Variants in PAX5 observed in about 807,000 individuals in gnomAD.
PAX5 encodes paired box 5.
Under a neutral mutation model 43.7 loss-of-function variants are expected in PAX5, and 9 were observed. That is an observed-to-expected ratio of 0.21 (90% CI 0.12 to 0.36). The LOEUF is 0.36. PAX5 is among the 10% of genes least tolerant of loss of function. PAX5 has a pLI of 1.00. For missense variants in PAX5, 383 were observed against 532.7 expected (o/e 0.72, Z 2.77); for synonymous variants, 228 against 214.3 (o/e 1.06, Z -0.56).
At chr9:36,928,288 G>A (rs909715120) in intron 6 of PAX5, among the ~76,000 whole-genome samples, 10 of 152,128 alleles carry the variant, frequency 6.6e-5, no homozygotes, top group South Asian at 4.1e-4. Flanking sequence ...TCCTACCTCC[G>A]CCTGGAGGGT....
intron 1 of PAX5, chr9:37,026,560 T>C (rs1348231975): frequency 7.5e-7 from 1 of 1,338,614 alleles, no homozygotes; most frequent in Non-Finnish European, 9.8e-7. Flanking sequence ...GGGTCGTGCT[T>C]ACAGTGTATT....
Position 36,962,753 on chromosome 9 carries a change from G to A in PAX5, c.780+3796C>T, listed in dbSNP as rs542572311. On this transcript the variant is annotated intron_variant, in intron 6 of 9. Transcript: ENST00000358127. ...GTAAGTGCTCTTTGTTCCCCACCAA[G>A]CTGCTCAGCGAAAGTGACAGCAAGG... Among the ~76,000 whole-genome samples the A allele has an allele frequency of 3.9e-5, 6 of 152,340 alleles. No individual in the cohort carries two copies. In the South Asian group the frequency reaches 1.2e-3, roughly 32 times the overall value.
intron 6 of PAX5, among the ~76,000 whole-genome samples, chr9:36,960,287 G>A (rs1460208240): frequency 3.3e-5 from 5 of 152,298 alleles, no homozygotes; most frequent in Middle Eastern, 6.8e-3. Context: ...CACGCTCAGA[G>A]CCTCACCTGG....
rs573451849 is a variant in PAX5 at position 36,871,500 on chromosome 9, C to T, written c.1012+10504G>A. 5.3e-5 allele frequency among the ~76,000 whole-genome samples: 8 copies of T among 152,360 alleles called. No individual in the cohort carries two copies. In the East Asian group the frequency reaches 7.7e-4, roughly 15 times the overall value. On this transcript the variant is annotated intron_variant, in intron 8 of 9. Coordinates refer to ENST00000358127, the MANE Select transcript of PAX5 (RefSeq NM_016734.3). ...CCTTGACCCTGCATCAGCCACCCAA[C>T]GCTTAGCCCTTCCGCAAATGCTTCA...
chr9:36,846,886 G>A lies in PAX5; in HGVS notation c.1056C>T (p.Ser352=), dbSNP rs2131591541. ...SGSPYSHPQY[S]SYNDSWRFPN... ...GGAACCTCCAGGAGTCGTTGTACGA[G>A]GAATACTGAGGGTGGCTGTAGGGAC... Residue 352 remains serine, a synonymous_variant, in exon 9 of 10, where the codon TCC becomes TCT. Transcript: ENST00000358127. 6.2e-7 allele frequency: 1 copy of A among 1,614,084 alleles called. No homozygotes were observed. Among genetic ancestry groups the A allele is most frequent in the Non-Finnish European group, 8.5e-7 (1 of 1,179,920 alleles).
At chr9:37,014,611 G>A (rs1258830900) in intron 3 of PAX5, among the ~76,000 whole-genome samples, 2 of 152,212 alleles carry the variant, frequency 1.3e-5, no homozygotes, top group Non-Finnish European at 2.9e-5. Flanking sequence ...CTTTGAGATG[G>A]GCCAGTGCTA....
intron 6 of PAX5, among the ~76,000 whole-genome samples, chr9:36,948,931 A>G (rs1281431762): frequency 6.6e-6 from 1 of 151,932 alleles, no homozygotes; most frequent in Non-Finnish European, 1.5e-5. Flanking sequence ...GTGGCAGAAC[A>G]CTCCTTAATA....
intron 7 of PAX5, among the ~76,000 whole-genome samples, chr9:36,886,047 C>G (rs1240156340): frequency 6.6e-6 from 1 of 152,030 alleles, no homozygotes; most frequent in East Asian, 1.9e-4. Context: ...GGGTGCCCTT[C>G]TCCCTTATCC....
chr9:36,957,316 C>CT (rs775297580), intron 6 of PAX5, among the ~76,000 whole-genome samples: 7 of 152,198 alleles, frequency 4.6e-5, no homozygotes, highest in Non-Finnish European at 1.0e-4. Flanking sequence ...AGAAGCTTCA[C>CT]TTTAGGTCTC....
At chr9:36,901,928 A>T (rs1186672562) in intron 7 of PAX5, among the ~76,000 whole-genome samples, 1 of 152,242 alleles carries the variant, frequency 6.6e-6, no homozygotes, top group African/African-American at 2.4e-5. Context: ...GCATTAGCAT[A>T]CTTTCAGGGC....
intron 6 of PAX5, among the ~76,000 whole-genome samples, chr9:36,963,440 C>T (rs987449759): frequency 9.2e-5 from 14 of 152,170 alleles, no homozygotes; most frequent in Non-Finnish European, 2.1e-4. Flanking sequence ...AGGTAACATC[C>T]CCCTCTCTGG....
rs1484025923 is a variant in PAX5 at position 36,837,962 on chromosome 9, T to A, written c.*2598A>T. 2 of 233,206 alleles carry A rather than the reference T, an allele frequency of 8.6e-6. No individual in the cohort carries two copies. The highest frequency in any genetic ancestry group is 2.2e-5 in the African/African-American group (1 of 45,336). The allele number at this position is 233,206 out of a possible 1,614,324, so 14.4% of individuals were successfully genotyped here. On this transcript the variant is annotated 3_prime_UTR_variant, in exon 10 of 10. Transcript: ENST00000358127. ...CAGGATCCAAAGATGTGGGTACACA[T>A]CATTCCAAAAGAAGGGTGACAGGGG...
At chr9:37,011,205 G>T (rs897884359) in intron 3 of PAX5, among the ~76,000 whole-genome samples, 1 of 151,752 alleles carries the variant, frequency 6.6e-6, no homozygotes, top group Non-Finnish European at 1.5e-5. Flanking sequence ...AGAATTAAGA[G>T]CAGAACTAAC....
intron 5 of PAX5, among the ~76,000 whole-genome samples, chr9:36,976,169 A>G (rs1382006979): frequency 6.6e-6 from 1 of 152,200 alleles, no homozygotes; most frequent in Non-Finnish European, 1.5e-5. Flanking sequence ...GTGGATGATA[A>G]ACTACTAAAC....
chr9:36,860,529 G>C (rs746308565), intron 8 of PAX5, among the ~76,000 whole-genome samples: 1 of 152,198 alleles, frequency 6.6e-6, no homozygotes, highest in African/African-American at 2.4e-5. Context: ...TGTGCAGCAT[G>C]TTAGAGGACA....
chr9:37,008,305 C>T (rs1432687807), intron 3 of PAX5, among the ~76,000 whole-genome samples: 2 of 152,208 alleles, frequency 1.3e-5, no homozygotes, highest in African/African-American at 4.8e-5. Flanking sequence ...CGGCCCTCCT[C>T]GGCCTCCCAA....
chr9:36,960,987 C>T (rs2132160069), intron 6 of PAX5, among the ~76,000 whole-genome samples: 1 of 152,308 alleles, frequency 6.6e-6, no homozygotes, highest in South Asian at 2.1e-4. Flanking sequence ...ACCTGTCTCC[C>T]CACCTCCTCC....
At chr9:37,005,080 C>A (rs1838274896) in intron 4 of PAX5, among the ~76,000 whole-genome samples, 1 of 152,222 alleles carries the variant, frequency 6.6e-6, no homozygotes, top group Admixed American at 6.5e-5. Flanking sequence ...ATTTGATTTT[C>A]AGTGCTATGT....
chr9:36,980,731 AATG>A (rs1835838257), intron 5 of PAX5, among the ~76,000 whole-genome samples: 1 of 152,066 alleles, frequency 6.6e-6, no homozygotes, highest in African/African-American at 2.4e-5. Context: ...TAACAGTGGG[AATG>A]GCTATCCAGA....
Sources: gnomAD v4.1 joint callset for allele counts (sites outside exome capture counted in the v4.1 genomes callset) on GRCh38, gnomAD v4.1.1 for gene constraint, MANE v1.5 for transcripts, NCBI Gene and HGNC (gene_info 2026-07-23, HGNC 2026-07-21) for gene names.